Variants in CYYR1 observed in about 807,000 individuals in gnomAD.
CYYR1 encodes the protein cysteine and tyrosine rich 1.
CYYR1 carries 14 observed loss-of-function variants against 15.2 expected under a neutral mutation model. That is an observed-to-expected ratio of 0.92 (90% CI 0.61 to 1.44). CYYR1 has a LOEUF of 1.44. CYYR1 is among the 40% of genes most tolerant of loss of function. The probability of loss-of-function intolerance (pLI) is 0.00; values close to 1 mark genes in which losing one functional copy is unlikely to be tolerated. For synonymous variants in CYYR1, 80 were observed against 77.4 expected, an observed-to-expected ratio of 1.03 and a Z score of -0.18; for missense variants, 228 against 209.5, an observed-to-expected ratio of 1.09 and a Z score of -0.54.
intron 2 of CYYR1, among the ~76,000 whole-genome samples, chr21:26,541,876 T>C (rs940497663): frequency 6.6e-5 from 10 of 151,954 alleles, no homozygotes; most frequent in Non-Finnish European, 1.3e-4. Flanking sequence ...ACTGAAATAA[T>C]AAAATAAAGA....
intron 1 of CYYR1, among the ~76,000 whole-genome samples, chr21:26,569,792 G>A (rs749139918): frequency 6.6e-6 from 1 of 152,158 alleles, no homozygotes; most frequent in Non-Finnish European, 1.5e-5. Context: ...GTTGCATTCC[G>A]GTGACTACTT....
chr21:26,520,950 C>T (rs535743429), intron 2 of CYYR1, among the ~76,000 whole-genome samples: 3 of 152,122 alleles, frequency 2.0e-5, no homozygotes, highest in Admixed American at 1.3e-4. Context: ...CCAAACACTG[C>T]GCGTTCTCAC....
At chr21:26,478,922 G>A (rs2065136729) in intron 3 of CYYR1, among the ~76,000 whole-genome samples, 1 of 152,098 alleles carries the variant, frequency 6.6e-6, no homozygotes, top group Non-Finnish European at 1.5e-5. Flanking sequence ...AAATGGTAAA[G>A]GCTGTGAGTG....
intron 2 of CYYR1, among the ~76,000 whole-genome samples, chr21:26,557,361 A>C (rs1979863496): frequency 1.3e-5 from 2 of 152,182 alleles, no homozygotes; most frequent in Admixed American, 1.3e-4. Context: ...CAAGTCAATA[A>C]AAATGGGCGC....
chr21:26,496,957 C>A (rs1482537799), intron 2 of CYYR1, among the ~76,000 whole-genome samples: 1 of 152,032 alleles, frequency 6.6e-6, no homozygotes, highest in African/African-American at 2.4e-5. Flanking sequence ...CCATTAACAT[C>A]TAGTAGGATG....
chr21:26,539,213 C>CT (rs963630550), intron 2 of CYYR1, among the ~76,000 whole-genome samples: 2 of 152,106 alleles, frequency 1.3e-5, no homozygotes, highest in African/African-American at 4.8e-5. Flanking sequence ...AAAATTCCTG[C>CT]TGTAGGTCTT....
intron 2 of CYYR1, among the ~76,000 whole-genome samples, chr21:26,553,167 C>T (rs548746693): frequency 6.6e-6 from 1 of 152,050 alleles, no homozygotes; most frequent in East Asian, 1.9e-4. Flanking sequence ...AAAAATATGC[C>T]ACTTTCCTGG....
At chr21:26,527,840 G>A (rs984501450) in intron 2 of CYYR1, among the ~76,000 whole-genome samples, 20 of 152,118 alleles carry the variant, frequency 1.3e-4, no homozygotes, top group African/African-American at 3.9e-4. Context: ...TGATTTTCTA[G>A]AAATATAATA....
At chr21:26,503,834 A>C (rs1014954099) in intron 2 of CYYR1, 1 of 152,250 alleles carries the variant, frequency 6.6e-6, no homozygotes, top group Non-Finnish European at 1.5e-5. Flanking sequence ...AAATCCATAC[A>C]AAAGAGAGAT....
At chr21:26,505,773 C>T (rs1033473331) in intron 2 of CYYR1, among the ~76,000 whole-genome samples, 2 of 151,818 alleles carry the variant, frequency 1.3e-5, no homozygotes, top group Non-Finnish European at 2.9e-5. Flanking sequence ...ACAAAGAGGA[C>T]ATTTTGGAGA....
chr21:26,502,169 G>T (rs899369027), intron 2 of CYYR1, among the ~76,000 whole-genome samples: 11 of 152,148 alleles, frequency 7.2e-5, no homozygotes, highest in Non-Finnish European at 1.5e-4. Flanking sequence ...AACAGTCTAT[G>T]TAGGAAGGCA....
intron 2 of CYYR1, among the ~76,000 whole-genome samples, chr21:26,488,404 G>A (rs998131487): frequency 2.0e-5 from 3 of 151,826 alleles, no homozygotes; most frequent in Non-Finnish European, 2.9e-5. Context: ...ATGGGCACAC[G>A]TCACCATTAC....
rs1333855288 is a variant in CYYR1 at position 26,573,119 on chromosome 21, G to A, written c.-179C>T. The A allele has an allele frequency of 2.0e-6, 3 of 1,507,522 alleles. No individual in the cohort carries two copies. The highest frequency in any genetic ancestry group is 2.6e-6 in the Non-Finnish European group (3 of 1,133,496). The allele number at this position is 1,507,522 out of a possible 1,614,324, so 93.4% of individuals were successfully genotyped here. ...CGGGCCGGGCGCGTCCCGGGCCAGCGACTGCGGGACTCCGCGGAGCTGGGG... is the reference window on the plus strand; with the variant it reads ...CGGGCCGGGCGCGTCCCGGGCCAGCAACTGCGGGACTCCGCGGAGCTGGGG... On this transcript the variant is annotated 5_prime_UTR_variant, in exon 1 of 4. Transcript: ENST00000652641.
intron 2 of CYYR1, among the ~76,000 whole-genome samples, chr21:26,523,884 T>C (rs1409201447): frequency 6.6e-6 from 1 of 151,874 alleles, no homozygotes; most frequent in East Asian, 1.9e-4. Context: ...TAGATGGGCA[T>C]GTGGCCCAAT....
chr21:26,508,834 A>G (rs748646725), intron 2 of CYYR1, among the ~76,000 whole-genome samples: 1 of 152,172 alleles, frequency 6.6e-6, no homozygotes, highest in Non-Finnish European at 1.5e-5. Flanking sequence ...ATTGCAGCTT[A>G]AGGTATTAGG....
At chr21:26,523,086 G>A (rs528940782) in intron 2 of CYYR1, among the ~76,000 whole-genome samples, 8 of 152,302 alleles carry the variant, frequency 5.3e-5, no homozygotes, top group East Asian at 1.9e-4. Context: ...TGTGGTGAAC[G>A]AGATGAGGAC....
In CYYR1 at chr21:26,564,985, A is replaced by G. The variant is rs182099089; in HGVS notation, c.176+1281T>C. 8.7e-4 allele frequency among the ~76,000 whole-genome samples: 133 copies of G among 152,338 alleles called. 4 individuals carry two copies. Among genetic ancestry groups the G allele is most frequent in the Admixed American group, 7.8e-3 (119 of 15,306 alleles). ...TAAAAAATCATCCTGACAGTTTTCT[A>G]ATGTAAAAAGTGGGCTTAATTTCTT... is the stretch of plus-strand genomic sequence containing the variant. On this transcript the variant is annotated intron_variant, in intron 2 of 3. Transcript: ENST00000652641.
At chr21:26,536,548 C>T (rs1015734427) in intron 2 of CYYR1, among the ~76,000 whole-genome samples, 1 of 152,158 alleles carries the variant, frequency 6.6e-6, no homozygotes, top group Admixed American at 6.5e-5. Flanking sequence ...CAGAGGGTTT[C>T]GTTTCAGGAA....
At chr21:26,542,294 T>TGC (rs56878874) in intron 2 of CYYR1, among the ~76,000 whole-genome samples, 2 of 142,884 alleles carry the variant, frequency 1.4e-5, no homozygotes, top group African/African-American at 2.7e-5. Flanking sequence ...TGTGTGCGTG[T>TGC]GTGTGTGTGT....
Sources: gnomAD v4.1 joint callset for allele counts (sites outside exome capture counted in the v4.1 genomes callset) on GRCh38, gnomAD v4.1.1 for gene constraint, MANE v1.5 for transcripts, NCBI Gene and HGNC (gene_info 2026-07-23, HGNC 2026-07-21) for gene names.